SUCLA2: variants seen among roughly 807,000 people sequenced by gnomAD.
SUCLA2 encodes the protein succinate-CoA ligase ADP-forming subunit beta, also known as succinate--CoA ligase [ADP-forming] subunit beta, mitochondrial.
SUCLA2 carries 30 observed loss-of-function variants against 54.8 expected under a neutral mutation model. The observed-to-expected ratio is 0.55, with a 90% CI of 0.41 to 0.74. SUCLA2 has a LOEUF of 0.74. Ranked by LOEUF, SUCLA2 falls within the 30% of genes least tolerant of loss-of-function variation. SUCLA2 has a pLI of 0.00. For missense variants in SUCLA2, 476 were observed against 562.9 expected (o/e 0.85, Z 1.56); for synonymous variants, 172 against 188.9 (o/e 0.91, Z 0.74).
intron 4 of SUCLA2, among the ~76,000 whole-genome samples, chr13:47,976,239 A>G (rs150613293): frequency 4.6e-5 from 7 of 152,326 alleles, no homozygotes; most frequent in Non-Finnish European, 7.3e-5. Flanking sequence ...TATATGATCC[A>G]AAAACCTTTT....
intron 2 of SUCLA2, 56 bp from the exon 3 acceptor site, chr13:47,989,037 G>C: frequency 6.6e-7 from 1 of 1,519,506 alleles, no homozygotes. Context: ...GCCAGACATA[G>C]TATTTTGTTA....
intron 8 of SUCLA2, among the ~76,000 whole-genome samples, chr13:47,951,748 C>T (rs1340773953): frequency 1.1e-4 from 16 of 151,970 alleles, no homozygotes; most frequent in African/African-American, 3.9e-4. Flanking sequence ...AAGGAGTAAC[C>T]ACCTTTCCAA....
At chr13:47,967,324 C>G (rs1047360814) in intron 6 of SUCLA2, among the ~76,000 whole-genome samples, 1 of 151,766 alleles carries the variant, frequency 6.6e-6, no homozygotes. Flanking sequence ...CACTGCAGAA[C>G]CTTTACTTTA....
intron 6 of SUCLA2, among the ~76,000 whole-genome samples, chr13:47,961,609 G>C (rs1247304894): frequency 6.6e-6 from 1 of 152,068 alleles, no homozygotes; most frequent in East Asian, 1.9e-4. Context: ...TATACAGGAA[G>C]CATTATCAAA....
At chr13:47,949,955 T>G (rs1164282042) in intron 8 of SUCLA2, among the ~76,000 whole-genome samples, 4 of 152,222 alleles carry the variant, frequency 2.6e-5, no homozygotes, top group Non-Finnish European at 5.9e-5. Flanking sequence ...ATGTGCAAGA[T>G]CTCCAATTTA....
chr13:47,994,235 AT>A (rs1436815378), intron 2 of SUCLA2, among the ~76,000 whole-genome samples: 1 of 151,844 alleles, frequency 6.6e-6, no homozygotes, highest in Non-Finnish European at 1.5e-5. Context: ...GTGCAACTAG[AT>A]CCCATAATCG....
intron 6 of SUCLA2, 95 bp downstream of exon 6, chr13:47,968,500 G>C: frequency 6.9e-7 from 1 of 1,456,218 alleles, no homozygotes; most frequent in South Asian, 1.2e-5. Context: ...ATAGGTAGAA[G>C]TTTAACTACT....
chr13:47,946,220 C>T (rs1011510332), intron 10 of SUCLA2, among the ~76,000 whole-genome samples: 1 of 152,124 alleles, frequency 6.6e-6, no homozygotes, highest in African/African-American at 2.4e-5. Context: ...GTTACTATGT[C>T]TAATACATAA....
chr13:47,960,229 A>C (rs1949858684), intron 6 of SUCLA2, among the ~76,000 whole-genome samples: 1 of 152,108 alleles, frequency 6.6e-6, no homozygotes, highest in Non-Finnish European at 1.5e-5. Flanking sequence ...ATAAAACCGT[A>C]AACTTTTTAA....
intron 4 of SUCLA2, among the ~76,000 whole-genome samples, chr13:47,974,944 A>AT (rs967936452): frequency 3.3e-5 from 5 of 152,166 alleles, no homozygotes; most frequent in Admixed American, 3.3e-4. Flanking sequence ...CAATTGTATT[A>AT]TTTTTTAACA....
intron 4 of SUCLA2, among the ~76,000 whole-genome samples, chr13:47,974,589 A>C (rs1949993664): frequency 6.6e-6 from 1 of 152,212 alleles, no homozygotes; most frequent in African/African-American, 2.4e-5. Context: ...CTGTCTCAAA[A>C]AAAAAGTAAA....
At chr13:47,954,369 C>T (rs745746706) in intron 7 of SUCLA2, 27 bp downstream of exon 7, 5 of 1,613,680 alleles carry the variant, frequency 3.1e-6, no homozygotes, top group African/African-American at 1.3e-5. Flanking sequence ...TTAGTGAATC[C>T]AATTCTAACA....
At chr13:47,958,100 C>T (rs1419325978) in intron 6 of SUCLA2, among the ~76,000 whole-genome samples, 1 of 152,150 alleles carries the variant, frequency 6.6e-6, no homozygotes, top group African/African-American at 2.4e-5. Flanking sequence ...CTACGCTAAG[C>T]AGGGTTGAGC....
chr13:47,978,055 T>C (rs1950031369), intron 4 of SUCLA2, among the ~76,000 whole-genome samples: 1 of 152,062 alleles, frequency 6.6e-6, no homozygotes, highest in South Asian at 2.1e-4. Flanking sequence ...TGCTCATAGA[T>C]AGGAAGAATC....
intron 4 of SUCLA2, 23 bp from the exon 5 acceptor site, chr13:47,973,415 A>T: frequency 6.2e-7 from 1 of 1,611,368 alleles, no homozygotes; most frequent in Non-Finnish European, 8.5e-7. Context: ...GTAAACAACC[A>T]AAACTCTAGA....
rs185241608 is a variant in SUCLA2, at chr13:47,998,961, T to A, written c.91-1938A>T. 3.9e-3 allele frequency among the ~76,000 whole-genome samples: 592 copies of A among 152,294 alleles called. 2 individuals carry two copies. Among genetic ancestry groups the A allele is most frequent in the Non-Finnish European group, 5.9e-3 (402 of 68,020 alleles). On this transcript the variant is annotated intron_variant, in intron 1 of 10. Transcript: ENST00000646932. The stretch of plus-strand genomic sequence containing the variant: ...CTAGCATAAGCCTGGCAAAAAGTCA[T>A]ACACTCAAATATTTTTTGTGATGAC...
chr13:47,982,232 T>C (rs1950065778), intron 4 of SUCLA2, among the ~76,000 whole-genome samples: 1 of 152,022 alleles, frequency 6.6e-6, no homozygotes, highest in Admixed American at 6.6e-5. Context: ...ATAAAGAAAA[T>C]GCAGTATATA....
intron 6 of SUCLA2, among the ~76,000 whole-genome samples, chr13:47,956,336 G>A (rs1949821229): frequency 6.6e-6 from 1 of 151,360 alleles, no homozygotes; most frequent in Non-Finnish European, 1.5e-5. Context: ...TGAACCTGAA[G>A]ACAAAGAGAA....
chr13:47,964,251 TAAAAA>T (rs754090011), intron 6 of SUCLA2, among the ~76,000 whole-genome samples: 14 of 146,268 alleles, frequency 9.6e-5, no homozygotes, highest in Non-Finnish European at 2.1e-4. Flanking sequence ...ATTCTCAAAA[TAAAAA>T]AAAAACTATA....
Sources: allele counts gnomAD v4.1 joint callset (sites outside exome capture counted in the v4.1 genomes callset), GRCh38; gene constraint gnomAD v4.1.1; transcripts MANE v1.5; gene names NCBI Gene and HGNC (gene_info 2026-07-23, HGNC 2026-07-21).